Variants in DHX36 observed in about 807,000 individuals in gnomAD.
DHX36 encodes the protein ATP-dependent DNA/RNA helicase DHX36.
Under a neutral mutation model 139.0 loss-of-function variants are expected in DHX36, and 50 were observed. That is an observed-to-expected ratio of 0.36 (90% CI 0.29 to 0.46). The LOEUF (loss-of-function observed/expected upper bound fraction) is 0.46. Among genes scored for constraint, DHX36 ranks in the 20% least tolerant of loss-of-function variants. The pLI, the probability that DHX36 is intolerant of heterozygous loss-of-function variation, is 1.00. For synonymous variants in DHX36, 425 were observed against 401.9 expected, an observed-to-expected ratio of 1.06 and a Z score of -0.69; for missense variants, 1,024 against 1,211.3, an observed-to-expected ratio of 0.85 and a Z score of 2.29.
At chr3:154,318,457 C>T (rs1330929613) in intron 1 of DHX36, among the ~76,000 whole-genome samples, 1 of 152,030 alleles carries the variant, frequency 6.6e-6, no homozygotes, top group Admixed American at 6.6e-5. Context: ...CAATACATTG[C>T]CCACTTCCTG....
In DHX36 at chr3:154,304,677, T is replaced by G. The variant is rs917587841; in HGVS notation, c.1135+129A>C. ...TTGTCTAATCCATGAAACTGGAGGG[T>G]AGAATAATATTAAAATAAAATTAAC... On this transcript the variant is annotated intron_variant, in intron 8 of 24. Coordinates refer to ENST00000496811, the MANE Select transcript of DHX36 (RefSeq NM_020865.3). The G allele has an allele frequency of 7.2e-6, 5 of 695,482 alleles. No homozygotes were observed. The Admixed American group carries it at 1.8e-4, about 26-fold the overall frequency. 43.1% of individuals were successfully genotyped at this position (695,482 alleles called of 1,614,324 possible).
chr3:154,311,689 A>T lies in DHX36; in HGVS notation c.604-15T>A, dbSNP rs1712768030. On this transcript the variant is annotated splice_polypyrimidine_tract_variant and intron_variant, in intron 3 of 24. Coordinates refer to ENST00000496811, the MANE Select transcript of DHX36 (RefSeq NM_020865.3). ...TCTCTGAAATGCTGAAATTTAAAAA[A>T]AGTTTTAAATTTTCACAGAAGATAT... The T allele has an allele frequency of 1.3e-6, 2 of 1,591,838 alleles. No homozygotes were observed. Among genetic ancestry groups the T allele is most frequent in the African/African-American group, 2.7e-5 (2 of 73,382 alleles).
Position 154,303,544 on chromosome 3 carries a change from C to T in DHX36, c.1136-134G>A, listed in dbSNP as rs139571720. The T allele has an allele frequency of 7.6e-4, 455 of 595,762 alleles. 5 individuals carry two copies. Among genetic ancestry groups the T allele is most frequent in the African/African-American group, 7.4e-3 (382 of 51,596 alleles). The allele number at this position is 595,762 out of a possible 1,614,324, so 36.9% of individuals were successfully genotyped here. ...TGGTCCTGTAGCTTTTACAATTCTA[C>T]CCTACTTTTCCACACCTACTTTAAT... On this transcript the variant is annotated intron_variant, in intron 8 of 24. Transcript: ENST00000496811.
In DHX36 at chr3:154,275,129, G is replaced by C; in HGVS notation, c.*1042C>G. On this transcript the variant is annotated 3_prime_UTR_variant, in exon 25 of 25. Coordinates refer to ENST00000496811, the MANE Select transcript of DHX36 (RefSeq NM_020865.3). ...TACAGTTGTCCCTCAGTATCTGTGG[G>C]GGACTGGTTTCCAACCCCAACCCCT... is the stretch of plus-strand genomic sequence containing the variant. 6.6e-6 allele frequency: 1 copy of C among 152,072 alleles called. No individual in the cohort carries two copies. The highest frequency in any genetic ancestry group is 1.9e-4 in the East Asian group (1 of 5,178). The allele number at this position is 152,072 out of a possible 1,614,324, so 9.4% of individuals were successfully genotyped here.
intron 3 of DHX36, among the ~76,000 whole-genome samples, chr3:154,312,902 A>ATATAT (rs1712830452): frequency 2.0e-5 from 2 of 98,532 alleles, no homozygotes; most frequent in Non-Finnish European, 4.2e-5. Flanking sequence ...TATATATATA[A>ATATAT]AATAAATAAA....
At position 154,300,620 on chromosome 3, in the gene DHX36, T is replaced by C. The variant is rs1036399719; in HGVS notation, c.1435A>G (p.Ile479Val). The change falls in exon 11 of 25, where the codon ATC (isoleucine) becomes GTC (valine). Residue 479 changes from isoleucine (I) to valine (V), a missense_variant. By Grantham distance (29) the Ile-to-Val change is conservative. Around this residue, in one of 4 missense-constraint regions of DHX36, gnomAD observed 115 missense variants for 105.6 expected, o/e 1.09. Transcript: ENST00000496811. ...TCTTCTTCCAAAACAATGTATCGGA[T>C]GAGGGCAACAATCAAATTCAGATCA... The part of the protein sequence containing the change: ...KVDLNLIVAL[I>V]RYIVLEEEDG... 1.9e-6 allele frequency: 3 copies of C among 1,613,562 alleles called. No homozygotes were observed. Among genetic ancestry groups the C allele is most frequent in the South Asian group, 2.2e-5 (2 of 91,050 alleles).
At chr3:154,322,363 A>G (rs539643709) in intron 1 of DHX36, among the ~76,000 whole-genome samples, 1 of 152,256 alleles carries the variant, frequency 6.6e-6, no homozygotes, top group Non-Finnish European at 1.5e-5. Context: ...CTTTTAAAAG[A>G]TCACCATAGG....
chr3:154,284,504 TA>T (rs1177338821), intron 19 of DHX36, 78 bp downstream of exon 19: 1 of 1,291,516 alleles, frequency 7.7e-7, no homozygotes, highest in Non-Finnish European at 1.1e-6. Flanking sequence ...TTCAAAAGGT[TA>T]AATATGATCC....
chr3:154,276,857 A>G lies in DHX36; in HGVS notation c.2731T>C (p.Leu911=). The change falls in exon 24 of 25, where the codon TTG becomes CTG. Residue 911 remains leucine (L), a synonymous_variant. Transcript: ENST00000496811. ...ATGGAAATGTCACCTCCAAAAAACAAGAGACAGTATGGGGAAACCTCTGTG... is the reference window on the plus strand; with the variant it reads ...ATGGAAATGTCACCTCCAAAAAACAGGAGACAGTATGGGGAAACCTCTGTG... ...DCTEVSPYCL[L]FFGGDISIQK... is the part of the protein sequence containing the mutation. 6.2e-7 allele frequency: 1 copy of G among 1,613,902 alleles called. No individual in the cohort carries two copies. The highest frequency in any genetic ancestry group is 8.5e-7 in the Non-Finnish European group (1 of 1,179,874).
Position 154,315,192 on chromosome 3 carries a change from T to C in DHX36, c.457A>G (p.Lys153Glu). Residue 153 changes from lysine (K) to glutamate (E), a missense_variant, in exon 3 of 25, where the codon AAA becomes GAA. By Grantham distance (56) the Lys-to-Glu change is moderately conservative. Coordinates refer to ENST00000496811, the MANE Select transcript of DHX36 (RefSeq NM_020865.3). The stretch of plus-strand genomic sequence containing the variant: ...GATCTGTTCCTGATTCTAAACATTT[T>C]TTTTTCTTGATTTATCAACTTCTTT... ...QEKKLINQEK[K>E]MFRIRNRSYI... is the part of the protein sequence containing the mutation. 1 of 1,613,584 alleles carries C rather than the reference T, an allele frequency of 6.2e-7. No individual in the cohort carries two copies. The highest frequency in any genetic ancestry group is 8.5e-7 in the Non-Finnish European group (1 of 1,179,698).
intron 2 of DHX36, among the ~76,000 whole-genome samples, chr3:154,315,715 T>C (rs1201813294): frequency 6.6e-6 from 1 of 152,094 alleles, no homozygotes; most frequent in Non-Finnish European, 1.5e-5. Context: ...TCTTGTAATC[T>C]TTCTAAAACG....
intron 2 of DHX36, 79 bp from the exon 3 acceptor site, chr3:154,315,359 G>A (rs192383030): frequency 7.7e-5 from 75 of 978,986 alleles, no homozygotes; most frequent in Middle Eastern, 2.2e-4. Context: ...AAAACAATAC[G>A]CTGTTGAAAT....
rs151325903 is a variant in DHX36 at position 154,301,604 on chromosome 3, T to C, written c.1218-477A>G. 2.9e-3 allele frequency among the ~76,000 whole-genome samples: 445 copies of C among 152,196 alleles called. 3 individuals are homozygous for C. Among genetic ancestry groups the C allele is most frequent in the African/African-American group, 0.01 (417 of 41,532 alleles). On this transcript the variant is annotated intron_variant, in intron 9 of 24. Coordinates refer to ENST00000496811, the MANE Select transcript of DHX36 (RefSeq NM_020865.3). ...TAGTGCCTGCAGGAGATTCAGATAG[T>C]GTATCCAGATCTACAGACCCACGCT...
At chr3:154,294,602 C>A (rs1321432845) in intron 13 of DHX36, among the ~76,000 whole-genome samples, 1 of 152,104 alleles carries the variant, frequency 6.6e-6, no homozygotes, top group Non-Finnish European at 1.5e-5. Flanking sequence ...CAGGTATGTA[C>A]TCTGTATCTA....
At chr3:154,315,976 G>T in intron 2 of DHX36, 63 bp downstream of exon 2, 1 of 1,497,954 alleles carries the variant, frequency 6.7e-7, no homozygotes, top group African/African-American at 1.4e-5. Flanking sequence ...AAATAAAGAT[G>T]TTATTTTTAT....
At chr3:154,293,911 C>T in intron 13 of DHX36, 99 bp from the exon 14 acceptor site, 2 of 814,500 alleles carry the variant, frequency 2.5e-6, no homozygotes, top group South Asian at 1.7e-5. Context: ...TCATTTTTAG[C>T]ATTCTATGTT....
At chr3:154,306,569 T>A (rs957489356) in intron 5 of DHX36, among the ~76,000 whole-genome samples, 1 of 152,144 alleles carries the variant, frequency 6.6e-6, no homozygotes, top group Non-Finnish European at 1.5e-5. Context: ...AATTTATACT[T>A]TTCTGGTCTT....
chr3:154,319,283 A>G (rs904323210), intron 1 of DHX36: 9 of 152,098 alleles, frequency 5.9e-5, no homozygotes, highest in African/African-American at 2.2e-4. Flanking sequence ...CCCTGCTTCT[A>G]GTTTTCAGTT....
At position 154,283,233 on chromosome 3, in the gene DHX36, T is replaced by C; in HGVS notation, c.2331A>G (p.Glu777=). ...GAAAATATTCCCAGCAATAGTCCTT[T>C]TCGTATCTGAAACCACGTCGCCTAG... ...EEARRRGFRY[E]KDYCWEYFLS... is the part of the protein sequence containing the mutation. Residue 777 remains glutamate (E), a synonymous_variant, in exon 20 of 25, where the codon GAA becomes GAG. Transcript: ENST00000496811. The C allele has an allele frequency of 6.2e-7, 1 of 1,613,932 alleles. No homozygotes were observed. Among genetic ancestry groups the C allele is most frequent in the South Asian group, 1.1e-5 (1 of 91,074 alleles).
Sources: allele counts gnomAD v4.1 joint callset (sites outside exome capture counted in the v4.1 genomes callset), GRCh38; gene constraint gnomAD v4.1.1; regional missense constraint gnomAD v4.1.1; transcripts MANE v1.5; gene names NCBI Gene and HGNC (gene_info 2026-07-23, HGNC 2026-07-21).